SNX9: variants seen among roughly 807,000 people sequenced by gnomAD.
SNX9 encodes the protein sorting nexin 9.
A neutral mutation model predicts 89.4 loss-of-function variants in SNX9; 44 were observed. The observed-to-expected ratio is 0.49, with a 90% CI of 0.39 to 0.63. The LOEUF (loss-of-function observed/expected upper bound fraction) is 0.63. SNX9 is among the 30% of genes least tolerant of loss of function. The pLI is 0.00. For missense variants in SNX9, 578 were observed against 736.1 expected, an observed-to-expected ratio of 0.79 and a Z score of 2.49; for synonymous variants, 236 against 247.8, an observed-to-expected ratio of 0.95 and a Z score of 0.45.
chr6:157,869,944 TTACA>T (rs1440958887), intron 2 of SNX9, among the ~76,000 whole-genome samples: 2 of 151,482 alleles, frequency 1.3e-5, no homozygotes, highest in African/African-American at 4.9e-5. Context: ...CTCATACACT[TTACA>T]TACTCTTTCA....
At chr6:157,912,073 G>A (rs1386713225) in intron 9 of SNX9, among the ~76,000 whole-genome samples, 5 of 152,124 alleles carry the variant, frequency 3.3e-5, no homozygotes. Flanking sequence ...GACACTCCCT[G>A]TACCTCAACC....
intron 15 of SNX9, 82 bp downstream of exon 15, chr6:157,937,605 T>C: frequency 1.1e-6 from 1 of 925,842 alleles, no homozygotes; most frequent in South Asian, 1.5e-5. Context: ...TGGTTTTATA[T>C]GTTTATTATT....
At chr6:157,903,192 T>TCCAAAA (rs150019422) in intron 6 of SNX9, among the ~76,000 whole-genome samples, 1,820 of 152,316 alleles carry the variant, frequency 0.012, 43 homozygotes, top group African/African-American at 0.042. Flanking sequence ...TACTAATACT[T>TCCAAAA]TTTCCCAATA....
intron 1 of SNX9, among the ~76,000 whole-genome samples, chr6:157,832,214 A>G (rs1781490939): frequency 6.6e-6 from 1 of 152,232 alleles, no homozygotes; most frequent in South Asian, 2.1e-4. Flanking sequence ...CAGAAGTCAC[A>G]GATTTGTGAT....
Position 157,927,094 on chromosome 6 carries a change from A to G in SNX9, c.1081-17A>G, listed in dbSNP as rs928802847. On this transcript the variant is annotated splice_polypyrimidine_tract_variant and intron_variant, in intron 10 of 17. Coordinates refer to ENST00000392185, the MANE Select transcript of SNX9 (RefSeq NM_016224.5). ...ACTGTGCTCTCCACTTGAACCTTACAACATTCTCATTTACAGGAATGGAAA... is the reference window on the plus strand; with the variant it reads ...ACTGTGCTCTCCACTTGAACCTTACGACATTCTCATTTACAGGAATGGAAA... 4.4e-6 allele frequency: 7 copies of G among 1,602,888 alleles called. No individual in the cohort carries two copies. The highest frequency in any genetic ancestry group is 3.3e-5 in the Admixed American group (2 of 59,990).
At chr6:157,824,181 G>A (rs191203102) in intron 1 of SNX9, among the ~76,000 whole-genome samples, 27 of 152,304 alleles carry the variant, frequency 1.8e-4, no homozygotes, top group Non-Finnish European at 3.4e-4. Flanking sequence ...GGCTAGGAGC[G>A]GTGGTTTGCT....
intron 1 of SNX9, among the ~76,000 whole-genome samples, chr6:157,827,886 G>A (rs577513437): frequency 4.1e-5 from 6 of 146,710 alleles, no homozygotes; most frequent in African/African-American, 1.3e-4. Context: ...TTAACTCTTC[G>A]GTTCCAATAC....
In SNX9 at chr6:157,894,095, G is replaced by GCTTTTCTTTT. The variant is rs1379282789; in HGVS notation, c.301-2726_301-2717dup. ...CCCTGTATCATTTCTTTTTCTTTTC[G>GCTTTTCTTTT]CTTTTCTTTTCTTTTTTTTTTTTTT... On this transcript the variant is annotated intron_variant, in intron 4 of 17. Coordinates refer to ENST00000392185, the MANE Select transcript of SNX9 (RefSeq NM_016224.5). Among the ~76,000 whole-genome samples, 48 of 134,836 alleles carry GCTTTTCTTTT rather than the reference G, an allele frequency of 3.6e-4. 1 individual carries two copies. Among genetic ancestry groups the GCTTTTCTTTT allele is most frequent in the African/African-American group, 1.3e-3 (45 of 35,508 alleles). 88.5% of individuals were successfully genotyped at this position (134,836 alleles called of 152,430 possible).
At chr6:157,898,728 T>C (rs3828708) in intron 5 of SNX9, among the ~76,000 whole-genome samples, 35,194 of 152,160 alleles carry the variant, frequency 0.23, 4,242 homozygotes, top group African/African-American at 0.28. Context: ...TTTTAACAAT[T>C]CCTGAACCCT....
intron 7 of SNX9, among the ~76,000 whole-genome samples, chr6:157,907,823 A>G (rs16900503): frequency 0.025 from 3,862 of 152,306 alleles, 114 homozygotes; most frequent in African/African-American, 0.069. Flanking sequence ...AACCTTGCCC[A>G]CTCATGAAAC....
Position 157,896,924 on chromosome 6 carries a change from G to A in SNX9, c.398G>A (p.Gly133Glu), listed in dbSNP as rs1782989183. The A allele has an allele frequency of 6.2e-7, 1 of 1,612,922 alleles. No homozygotes were observed. The highest frequency in any genetic ancestry group is 1.7e-5 in the Admixed American group (1 of 59,550). Residue 133 changes from glycine to glutamate, a missense_variant, in exon 5 of 18, where the codon GGA becomes GAA. Physicochemically the swap from Gly to Glu is moderately conservative, Grantham distance 98. Coordinates refer to ENST00000392185, the MANE Select transcript of SNX9 (RefSeq NM_016224.5). ...EGWGAQPEGA[G>E]AQRNTNTPNN... ...TGGGGGGCCCAGCCAGAGGGGGCTG[G>A]AGCCCAAAGAAACACAAACACTCCC... is the stretch of plus-strand genomic sequence containing the variant.
intron 1 of SNX9, among the ~76,000 whole-genome samples, chr6:157,824,988 C>A (rs960516268): frequency 6.6e-6 from 1 of 152,168 alleles, no homozygotes; most frequent in Non-Finnish European, 1.5e-5. Flanking sequence ...TCACTCCCAC[C>A]TGTAATTCCA....
chr6:157,941,086 C>A, intron 17 of SNX9, 112 bp downstream of exon 17: 1 of 898,460 alleles, frequency 1.1e-6, no homozygotes, highest in Non-Finnish European at 1.7e-6. Flanking sequence ...AAGTAATAAA[C>A]CAAAGGAGCC....
chr6:157,937,641 A>G, intron 15 of SNX9, 118 bp downstream of exon 15: 4 of 714,120 alleles, frequency 5.6e-6, no homozygotes, highest in South Asian at 2.1e-5. Flanking sequence ...TATAATTCCC[A>G]TTAGAAAGGT....
chr6:157,864,488 G>A (rs1277176539), intron 1 of SNX9, among the ~76,000 whole-genome samples: 1 of 152,154 alleles, frequency 6.6e-6, no homozygotes, highest in African/African-American at 2.4e-5. Context: ...TACATTCTAA[G>A]TTTAGTAAAC....
chr6:157,843,921 C>G (rs1781751738), intron 1 of SNX9, among the ~76,000 whole-genome samples: 1 of 143,464 alleles, frequency 7.0e-6, no homozygotes, highest in Non-Finnish European at 1.5e-5. Flanking sequence ...ACCACCCAGG[C>G]CAGAGTGCAG....
chr6:157,839,996 T>G (rs1046885875), intron 1 of SNX9, among the ~76,000 whole-genome samples: 3 of 151,910 alleles, frequency 2.0e-5, no homozygotes, highest in Non-Finnish European at 4.4e-5. Context: ...TGAAAGCAGG[T>G]GAAAAAAAAC....
chr6:157,850,586 T>C (rs1781892180), intron 1 of SNX9, among the ~76,000 whole-genome samples: 1 of 152,152 alleles, frequency 6.6e-6, no homozygotes, highest in South Asian at 2.1e-4. Context: ...TTCCCTTGGC[T>C]TCTCTTTTTT....
chr6:157,858,883 C>T (rs533871611), intron 1 of SNX9, among the ~76,000 whole-genome samples: 32 of 152,146 alleles, frequency 2.1e-4, no homozygotes, highest in Non-Finnish European at 3.8e-4. Context: ...GGATACCACC[C>T]CCATGATTCA....
Sources: gnomAD v4.1 joint callset for allele counts (sites outside exome capture counted in the v4.1 genomes callset) on GRCh38, gnomAD v4.1.1 for gene constraint, MANE v1.5 for transcripts, NCBI Gene and HGNC (gene_info 2026-07-23, HGNC 2026-07-21) for gene names.